DCC: variants seen among roughly 807,000 people sequenced by gnomAD.
DCC encodes DCC netrin 1 receptor, also known as netrin receptor DCC.
DCC carries 58 observed loss-of-function variants against 172.5 expected under a neutral mutation model. The observed-to-expected ratio is 0.34, with a 90% confidence interval of 0.27 to 0.42. DCC has a LOEUF of 0.42. Among genes scored for constraint, DCC ranks in the 10% least tolerant of loss-of-function variants. The probability of loss-of-function intolerance (pLI) is 1.00; values close to 1 mark genes in which losing one functional copy is unlikely to be tolerated. For synonymous variants in DCC, 709 were observed against 644.5 expected (o/e 1.10, Z -1.52); for missense variants, 1,740 against 1,791.0 (o/e 0.97, Z 0.51).
intron 27 of DCC, among the ~76,000 whole-genome samples, chr18:53,509,466 C>CTAGAG (rs2046224174): frequency 6.6e-6 from 1 of 152,186 alleles, no homozygotes; most frequent in Non-Finnish European, 1.5e-5. Context: ...TTTAGCAGAT[C>CTAGAG]TAGAGTAGAG....
At chr18:52,382,270 A>G (rs1985618373) in intron 1 of DCC, among the ~76,000 whole-genome samples, 1 of 152,162 alleles carries the variant, frequency 6.6e-6, no homozygotes, top group Non-Finnish European at 1.5e-5. Context: ...AATTATTTAG[A>G]AAACACCAAG....
At position 52,399,368 on chromosome 18, in the gene DCC, C is replaced by T. The variant is rs576275317; in HGVS notation, c.91+58490C>T. Among the ~76,000 whole-genome samples the T allele has an allele frequency of 2.6e-5, 4 of 151,892 alleles. No individual in the cohort carries two copies. In the East Asian group the frequency reaches 7.8e-4, roughly 30 times the overall value. On this transcript the variant is annotated intron_variant, in intron 1 of 28. Coordinates refer to ENST00000442544, the MANE Select transcript of DCC (RefSeq NM_005215.4). Reference sequence around the variant, plus strand: ...TTTAATTTTCATCTTCGTTCTACTGCCACCATTATAAGCAGATAAGAAAAT... The same window carrying T: ...TTTAATTTTCATCTTCGTTCTACTGTCACCATTATAAGCAGATAAGAAAAT...
chr18:52,554,978 A>G (rs532050338), intron 1 of DCC, among the ~76,000 whole-genome samples: 6 of 152,246 alleles, frequency 3.9e-5, no homozygotes, highest in South Asian at 2.1e-4. Context: ...TAGGCTTGGC[A>G]TAAGTAAACT....
intron 5 of DCC, among the ~76,000 whole-genome samples, chr18:53,001,165 C>T (rs900291921): frequency 2.2e-4 from 34 of 152,138 alleles, no homozygotes; most frequent in Admixed American, 7.9e-4. Context: ...TGATTAATCA[C>T]GCTTTTATCC....
intron 19 of DCC, among the ~76,000 whole-genome samples, chr18:53,406,635 C>T (rs1468735578): frequency 2.0e-5 from 3 of 146,394 alleles, no homozygotes; most frequent in Admixed American, 7.1e-5. Context: ...ACCCGGGAGG[C>T]GGGTGTTGCA....
intron 12 of DCC, among the ~76,000 whole-genome samples, chr18:53,293,152 T>C (rs961503507): frequency 1.3e-5 from 2 of 152,232 alleles, no homozygotes; most frequent in Admixed American, 1.3e-4. Context: ...TAATTTCTAC[T>C]GTCACTTAGC....
chr18:53,084,086 A>G (rs1259007783), intron 7 of DCC, among the ~76,000 whole-genome samples: 3 of 152,170 alleles, frequency 2.0e-5, no homozygotes, highest in Non-Finnish European at 4.4e-5. Flanking sequence ...CAATTCTTAC[A>G]TTTATGGAGG....
rs145560552 is a variant in DCC at position 53,205,302 on chromosome 18, G to A, written c.1660G>A (p.Ala554Thr). The change falls in exon 10 of 29, where the codon GCA (alanine) becomes ACA (threonine). Residue 554 changes from alanine (A) to threonine (T), a missense_variant. Transcript: ENST00000442544. ...TATTACCTGGGAACCCCCTGCCTATGCAAACGGTCCAGTCCAAGGTTACAG... is the reference window on the plus strand; with the variant it reads ...TATTACCTGGGAACCCCCTGCCTATACAAACGGTCCAGTCCAAGGTTACAG... ...ILITWEPPAY[A>T]NGPVQGYRLF... 2.9e-5 allele frequency: 47 copies of A among 1,613,922 alleles called. No homozygotes were observed. The highest frequency in any genetic ancestry group is 3.6e-5 in the Non-Finnish European group (42 of 1,179,872).
At chr18:53,181,652 G>A (rs530927164) in intron 9 of DCC, among the ~76,000 whole-genome samples, 51 of 152,200 alleles carry the variant, frequency 3.4e-4, no homozygotes, top group African/African-American at 1.2e-3. Flanking sequence ...TCATAAGTAT[G>A]TTTAATAAAC....
At chr18:52,944,526 A>C (rs530531276) in intron 5 of DCC, among the ~76,000 whole-genome samples, 2 of 152,350 alleles carry the variant, frequency 1.3e-5, no homozygotes, top group Non-Finnish European at 2.9e-5. Flanking sequence ...AGCATATAGA[A>C]AGCCCTGATA....
intron 1 of DCC, among the ~76,000 whole-genome samples, chr18:52,531,418 G>T (rs1039200561): frequency 6.6e-6 from 1 of 152,148 alleles, no homozygotes; most frequent in Non-Finnish European, 1.5e-5. Context: ...TTAACTAAAA[G>T]AAATATGATA....
At chr18:53,222,392 T>C (rs1316662830) in intron 12 of DCC, among the ~76,000 whole-genome samples, 2 of 130,898 alleles carry the variant, frequency 1.5e-5, no homozygotes, top group South Asian at 2.3e-4. Flanking sequence ...TCTTTTTTTT[T>C]TTTTTTTTTT....
intron 3 of DCC, among the ~76,000 whole-genome samples, chr18:52,914,511 CG>C (rs2040013348): frequency 1.3e-5 from 2 of 150,400 alleles, no homozygotes; most frequent in African/African-American, 4.9e-5. Flanking sequence ...ATAATAGCTC[CG>C]GAGAAATGGC....
chr18:52,977,888 A>AAAAAAAAGAAAAGAAAAAAGAAAAAG (rs2041147585), intron 5 of DCC, among the ~76,000 whole-genome samples: 2 of 148,714 alleles, frequency 1.3e-5, no homozygotes, highest in African/African-American at 5.0e-5. Flanking sequence ...CCATCTCAAA[A>AAAAAAAAGAAAAGAAAAAAGAAAAAG]AAAAAAAGAA....
At chr18:52,951,563 T>C (rs2040648142) in intron 5 of DCC, among the ~76,000 whole-genome samples, 1 of 152,192 alleles carries the variant, frequency 6.6e-6, no homozygotes, top group African/African-American at 2.4e-5. Flanking sequence ...GTTAGTTTGC[T>C]GAGAATGATG....
At chr18:53,509,954 A>G (rs1440153011) in intron 27 of DCC, among the ~76,000 whole-genome samples, 2 of 152,228 alleles carry the variant, frequency 1.3e-5, no homozygotes, top group Non-Finnish European at 2.9e-5. Context: ...GAGGCTTTGT[A>G]CATTTTTCAA....
intron 1 of DCC, among the ~76,000 whole-genome samples, chr18:52,388,959 G>T (rs1370416030): frequency 6.6e-6 from 1 of 152,242 alleles, no homozygotes; most frequent in South Asian, 2.1e-4. Context: ...GCCAGAGATC[G>T]TTCAGGACCG....
chr18:52,806,891 T>C (rs1355066091), intron 2 of DCC, among the ~76,000 whole-genome samples: 1 of 152,160 alleles, frequency 6.6e-6, no homozygotes, highest in Non-Finnish European at 1.5e-5. Flanking sequence ...AGGCATCCTG[T>C]TTCCTAAAGA....
chr18:53,393,891 G>A (rs1247068848), intron 17 of DCC, among the ~76,000 whole-genome samples: 3 of 73,706 alleles, frequency 4.1e-5, no homozygotes, highest in Non-Finnish European at 7.9e-5. Flanking sequence ...AATTACTAAT[G>A]TACTATTCCC....
Sources: allele counts gnomAD v4.1 joint callset (sites outside exome capture counted in the v4.1 genomes callset), GRCh38; gene constraint gnomAD v4.1.1; transcripts MANE v1.5; gene names NCBI Gene and HGNC (gene_info 2026-07-23, HGNC 2026-07-21).